The following CALN1 variants were observed in gnomAD, a reference collection of about 807,000 sequenced individuals.
CALN1 encodes calneuron 1.
Under a neutral mutation model 30.6 loss-of-function variants are expected in CALN1, and 17 were observed. The ratio of observed to expected loss-of-function variants is 0.56; its 90% CI spans 0.38 to 0.83. The LOEUF (loss-of-function observed/expected upper bound fraction) is 0.83, where lower values mean the gene tolerates loss of function less well. Ranked by LOEUF, CALN1 falls within the 40% of genes least tolerant of loss-of-function variation. The pLI is 0.00. For synonymous variants in CALN1, 156 were observed against 131.4 expected (o/e 1.19, Z -1.28); for missense variants, 291 against 354.9 (o/e 0.82, Z 1.45).
At chr7:72,147,389 A>T (rs891450569) in intron 3 of CALN1, among the ~76,000 whole-genome samples, 14 of 151,810 alleles carry the variant, frequency 9.2e-5, no homozygotes, top group African/African-American at 3.4e-4. Flanking sequence ...TGGCCATCAG[A>T]GAAATGCAAA....
intron 4 of CALN1, among the ~76,000 whole-genome samples, chr7:72,063,671 A>G (rs927580315): frequency 1.3e-5 from 2 of 152,234 alleles, no homozygotes; most frequent in African/African-American, 4.8e-5. Context: ...GAATTACTTT[A>G]TACAGGTTGA....
At chr7:72,218,778 C>T (rs999603232) in intron 3 of CALN1, among the ~76,000 whole-genome samples, 5 of 152,104 alleles carry the variant, frequency 3.3e-5, no homozygotes, top group African/African-American at 9.7e-5. Context: ...TGAATGTGAC[C>T]CTATAAAACA....
At chr7:71,831,891 A>AAC (rs1554349013) in intron 5 of CALN1, among the ~76,000 whole-genome samples, 1 of 150,172 alleles carries the variant, frequency 6.7e-6, no homozygotes, top group Non-Finnish European at 1.5e-5. Context: ...AAAAAAAAAA[A>AAC]AAAAAACAAA....
At chr7:72,311,080 C>T (rs914459307) in intron 2 of CALN1, among the ~76,000 whole-genome samples, 1 of 151,978 alleles carries the variant, frequency 6.6e-6, no homozygotes, top group African/African-American at 2.4e-5. Context: ...CCACCTCTTC[C>T]GACTCTGCCA....
At chr7:72,393,943 T>C (rs929094709) in intron 2 of CALN1, among the ~76,000 whole-genome samples, 2 of 152,120 alleles carry the variant, frequency 1.3e-5, no homozygotes, top group African/African-American at 2.4e-5. Flanking sequence ...TTTATCAGCA[T>C]TGATGTTAAT....
chr7:72,481,565 AT>A, the CALN1 span, among the ~76,000 whole-genome samples: 2 of 152,168 alleles, frequency 1.3e-5, no homozygotes, highest in Non-Finnish European at 2.9e-5. Context: ...AGCTTAGGTT[AT>A]TTAAGAACTT....
At chr7:72,413,018 G>A (rs1018547418), upstream of CALN1, among the ~76,000 whole-genome samples, 5 of 152,214 alleles carry the variant, frequency 3.3e-5, no homozygotes, top group African/African-American at 1.2e-4. Context: ...GAGTAGGCCA[G>A]TGGCTGGTGG....
chr7:72,364,979 G>A (rs991045421), intron 2 of CALN1, among the ~76,000 whole-genome samples: 1 of 150,154 alleles, frequency 6.7e-6, no homozygotes, highest in Non-Finnish European at 1.5e-5. Context: ...GGATCAGCTT[G>A]GCCAACATGG....
intron 5 of CALN1, among the ~76,000 whole-genome samples, chr7:71,997,099 T>G (rs956815338): frequency 6.6e-6 from 1 of 152,032 alleles, no homozygotes; most frequent in African/African-American, 2.4e-5. Flanking sequence ...TGTGGTGGCA[T>G]GCACTGATAG....
chr7:72,454,846 T>C, the CALN1 span, among the ~76,000 whole-genome samples: 3 of 152,038 alleles, frequency 2.0e-5, no homozygotes, highest in Middle Eastern at 3.4e-3. Context: ...TTTTTTTTTT[T>C]TTGAGATGGA....
In CALN1 at chr7:72,130,985, C is replaced by T. The variant is rs988685079; in HGVS notation, c.245-24691G>A. On this transcript the variant is annotated intron_variant, in intron 3 of 6. Transcript: ENST00000395275. ...AAAGTAACCCACTAATTCCTAGTTA[C>T]AGGACATTGCCACAGCCCTCTTCCT... Among the ~76,000 whole-genome samples, 5 of 152,294 alleles carry T rather than the reference C, an allele frequency of 3.3e-5. No homozygotes were observed. The East Asian group carries it at 5.8e-4, about 18-fold the overall frequency.
intron 5 of CALN1, among the ~76,000 whole-genome samples, chr7:71,879,353 C>A (rs1792434577): frequency 6.6e-6 from 1 of 152,104 alleles, no homozygotes; most frequent in Non-Finnish European, 1.5e-5. Flanking sequence ...TGGTCTGGCA[C>A]CTAGAAGATA....
intron 5 of CALN1, among the ~76,000 whole-genome samples, chr7:71,918,800 T>A (rs1200538989): frequency 2.0e-5 from 3 of 152,180 alleles, no homozygotes; most frequent in African/African-American, 7.2e-5. Flanking sequence ...TGGAATTCTA[T>A]CCATCTCTTA....
At chr7:72,494,134 G>A in the CALN1 span, among the ~76,000 whole-genome samples, 14 of 152,222 alleles carry the variant, frequency 9.2e-5, no homozygotes, top group South Asian at 2.9e-3. Context: ...AGGCTGCAGT[G>A]AGCCATGATT....
chr7:71,967,639 AAAAG>A (rs34907489), intron 5 of CALN1, among the ~76,000 whole-genome samples: 1 of 142,654 alleles, frequency 7.0e-6, no homozygotes, highest in African/African-American at 2.7e-5. Flanking sequence ...AAAAAAAAAA[AAAAG>A]AAAGAAAAGA....
chr7:72,086,002 C>T (rs372584051), intron 4 of CALN1, among the ~76,000 whole-genome samples: 5 of 150,450 alleles, frequency 3.3e-5, no homozygotes, highest in Admixed American at 2.0e-4. Context: ...AGTCAGGTTA[C>T]GAAAAAAGAG....
At position 72,399,965 on chromosome 7, in the gene CALN1, G is replaced by A. The variant is rs985301101; in HGVS notation, c.119+3286C>T. On this transcript the variant is annotated intron_variant, in intron 2 of 6. Transcript: ENST00000395275. Reference sequence around the variant, plus strand: ...TCTCTTGTTCCCTCTCTCTCCATATGACATGCCTGCTCCCCCTTTGCGTTC... The same window carrying A: ...TCTCTTGTTCCCTCTCTCTCCATATAACATGCCTGCTCCCCCTTTGCGTTC... 2.6e-5 allele frequency among the ~76,000 whole-genome samples: 4 copies of A among 152,190 alleles called. 1 individual carries two copies. Among genetic ancestry groups the A allele is most frequent in the Non-Finnish European group, 1.5e-5 (1 of 68,004 alleles).
At chr7:72,247,150 C>A (rs6460708) in intron 3 of CALN1, among the ~76,000 whole-genome samples, 1 of 150,090 alleles carries the variant, frequency 6.7e-6, no homozygotes, top group Non-Finnish European at 1.5e-5. Context: ...CAGATAGTTA[C>A]GGAGAAAGCT....
At position 71,971,949 on chromosome 7, in the gene CALN1, A is replaced by AG. The variant is rs1288346645; in HGVS notation, c.501+51707_501+51708insC. Among the ~76,000 whole-genome samples, 52 of 81,042 alleles carry AG rather than the reference A, an allele frequency of 6.4e-4. 2 individuals carry two copies. Among genetic ancestry groups the AG allele is most frequent in the African/African-American group, 4.0e-3 (51 of 12,612 alleles). The allele number at this position is 81,042 out of a possible 152,430, so 53.2% of individuals were successfully genotyped here. A position where few individuals can be genotyped will look rare whatever the true frequency, so the allele number is the denominator to read the frequency against. ...CTGTCTCAAAAAAAAAAAAAAAAAA[A>AG]AAAAAAAGAAAGAAAGAAAGAAAGA... On this transcript the variant is annotated intron_variant, in intron 5 of 6. Coordinates refer to ENST00000395275, the MANE Select transcript of CALN1 (RefSeq NM_031468.4).
Sources: allele counts gnomAD v4.1 joint callset (sites outside exome capture counted in the v4.1 genomes callset), GRCh38; gene constraint gnomAD v4.1.1; transcripts MANE v1.5; gene names NCBI Gene and HGNC (gene_info 2026-07-23, HGNC 2026-07-21).